The following SELENOO variants were observed in gnomAD, a reference collection of about 807,000 sequenced individuals.
SELENOO encodes the protein selenoprotein O, also known as protein adenylyltransferase SelO, mitochondrial.
A neutral mutation model predicts 58.7 loss-of-function variants in SELENOO; 74 were observed. The observed-to-expected ratio is 1.26, with a 90% CI of 1.04 to 1.53. The LOEUF (loss-of-function observed/expected upper bound fraction) is 1.53, where lower values mean the gene tolerates loss of function less well. Ranked by LOEUF, SELENOO falls within the 40% of genes most tolerant of loss-of-function variation. The pLI, the probability that SELENOO is intolerant of heterozygous loss-of-function variation, is 0.00. For missense variants in SELENOO, 1,149 were observed against 970.0 expected (o/e 1.18, Z -2.45); for synonymous variants, 543 against 453.2 (o/e 1.20, Z -2.52).
chr22:50,210,151 G>T lies in SELENOO; in HGVS notation c.940-30G>T, dbSNP rs749000485. The T allele has an allele frequency of 7.5e-6, 12 of 1,606,072 alleles. No homozygotes were observed. In the Admixed American group the frequency reaches 2.0e-4, roughly 27 times the overall value. On this transcript the variant is annotated intron_variant, in intron 3 of 8. Coordinates refer to ENST00000380903, the MANE Select transcript of SELENOO (RefSeq NM_031454.2). ...TGGGGAGGTCTGGGCAGGACCCCGA[G>T]GAGGGAGCAAGCACACTGTCCCACC...
At chr22:50,208,826 C>A in intron 3 of SELENOO, 110 bp downstream of exon 3, 2 of 1,081,982 alleles carry the variant, frequency 1.8e-6, no homozygotes, top group East Asian at 5.0e-5. Flanking sequence ...CCCAGCCTCC[C>A]CGCCCTTCTC....
chr22:50,210,061 A>G (rs776405359), intron 3 of SELENOO, 120 bp from the exon 4 acceptor site: 160 of 1,215,906 alleles, frequency 1.3e-4, no homozygotes, highest in Non-Finnish European at 1.7e-4. Flanking sequence ...TCGCCCAGAA[A>G]CTGCAGAGTG....
rs998589583 is a variant in SELENOO, at chr22:50,201,191, A to G, written c.155A>G (p.Asn52Ser). ...PRWLAGLRFD[N>S]RALRALPVEA... ...TGGCTGGCGGGGCTGCGCTTCGACA[A>G]CCGCGCCCTGCGCGCCCTGCCCGTG... is the stretch of plus-strand genomic sequence containing the variant. Residue 52 changes from asparagine to serine, a missense_variant, in exon 1 of 9, where the codon AAC becomes AGC. Transcript: ENST00000380903. 1.8e-5 allele frequency: 22 copies of G among 1,210,764 alleles called. No individual in the cohort carries two copies. Among genetic ancestry groups the G allele is most frequent in the Middle Eastern group, 3.2e-4 (1 of 3,118 alleles). The allele number at this position is 1,210,764 out of a possible 1,614,324, so 75.0% of individuals were successfully genotyped here.
intron 2 of SELENOO, 96 bp from the exon 3 acceptor site, chr22:50,208,430 CAAAAAAAAAA>C: frequency 1.1e-6 from 1 of 874,960 alleles, no homozygotes; most frequent in Middle Eastern, 2.6e-4. Context: ...GACTCCATCT[CAAAAAAAAAA>C]AAAAAATAGC....
At chr22:50,209,880 C>T (rs770247763) in intron 3 of SELENOO, among the ~76,000 whole-genome samples, 2 of 152,222 alleles carry the variant, frequency 1.3e-5, no homozygotes, top group Non-Finnish European at 2.9e-5. Flanking sequence ...AGTGAACTGA[C>T]CCTTCTCTGC....
intron 2 of SELENOO, among the ~76,000 whole-genome samples, chr22:50,207,529 G>T (rs1458241543): frequency 6.7e-6 from 1 of 149,874 alleles, no homozygotes; most frequent in Non-Finnish European, 1.5e-5. Context: ...TCCTGCCCGG[G>T]ACACCAGCCG....
In SELENOO at chr22:50,210,767, G is replaced by A. The variant is rs1038839589; in HGVS notation, c.1207G>A (p.Glu403Lys). ...GCCGGAACTGCCCCTGGAGCTGGGG[G>A]AGGCCATCCTGGCCGAGGAGTTTGA... ...LQPELPLELG[E>K]AILAEEFDAE... The change falls in exon 5 of 9, where the codon GAG becomes AAG. Residue 403 changes from glutamate (E) to lysine (K), a missense_variant. Coordinates refer to ENST00000380903, the MANE Select transcript of SELENOO (RefSeq NM_031454.2). 6.2e-6 allele frequency: 10 copies of A among 1,613,706 alleles called. No individual in the cohort carries two copies. Among genetic ancestry groups the A allele is most frequent in the South Asian group, 5.5e-5 (5 of 91,084 alleles).
intron 5 of SELENOO, 23 bp downstream of exon 5, chr22:50,210,934 C>A (rs764250072): frequency 6.2e-7 from 1 of 1,613,434 alleles, no homozygotes; most frequent in South Asian, 1.1e-5. Context: ...GCCGTGCCCA[C>A]AGCAAGGCGC....
chr22:50,210,317 T>G lies in SELENOO; in HGVS notation c.1070+6T>G, dbSNP rs371862297. The G allele has an allele frequency of 1.2e-6, 2 of 1,612,206 alleles. No homozygotes were observed. Among genetic ancestry groups the G allele is most frequent in the African/African-American group, 2.7e-5 (2 of 74,816 alleles). ...CCCTTTGGCTTCCTGGACAGGTAAGTGGCCCTGGGGCCCAGCAAAGTGCAG... is the reference window on the plus strand; with the variant it reads ...CCCTTTGGCTTCCTGGACAGGTAAGGGGCCCTGGGGCCCAGCAAAGTGCAG... On this transcript the variant is annotated splice_donor_region_variant and intron_variant, in intron 4 of 8. Coordinates refer to ENST00000380903, the MANE Select transcript of SELENOO (RefSeq NM_031454.2).
At chr22:50,215,928 C>T (rs1316671661) in intron 6 of SELENOO, 61 bp downstream of exon 6, 6 of 1,465,252 alleles carry the variant, frequency 4.1e-6, no homozygotes, top group South Asian at 3.6e-5. Flanking sequence ...TAATCAGAAA[C>T]AGAGGCTGGG....
intron 1 of SELENOO, chr22:50,205,832 GGGTTTTGCGGGGCGGGCA>G (rs1427085961): frequency 1.2e-5 from 2 of 168,710 alleles, no homozygotes; most frequent in Admixed American, 1.2e-4. Context: ...AGCCTCGGGC[GGGTTTTGCGGGGCGGGCA>G]GCTGGCTTCT....
Position 50,201,450 on chromosome 22 carries a change from C to G in SELENOO, c.414C>G (p.His138Gln), listed in dbSNP as rs1167190454. 8 of 1,412,300 alleles carry G rather than the reference C, an allele frequency of 5.7e-6. No homozygotes were observed. The highest frequency in any genetic ancestry group is 5.3e-5 in the Admixed American group (2 of 37,802). The allele number at this position is 1,412,300 out of a possible 1,614,324, so 87.5% of individuals were successfully genotyped here. The part of the protein sequence containing the change: ...ALLPGAEPAA[H>Q]CYCGHQFGQF... ...TGCCGGGCGCCGAGCCCGCCGCGCA[C>G]TGCTACTGCGGCCACCAATTCGGCC... Residue 138 changes from histidine (H) to glutamine (Q), a missense_variant, in exon 1 of 9, where the codon CAC becomes CAG. Transcript: ENST00000380903.
Position 50,217,015 on chromosome 22 carries a change from G to C in SELENOO, c.1732G>C (p.Ala578Pro), listed in dbSNP as rs369750052. The C allele has an allele frequency of 1.3e-5, 21 of 1,611,468 alleles. No individual in the cohort carries two copies. In the African/African-American group the frequency reaches 2.8e-4, roughly 21 times the overall value. Residue 578 changes from alanine to proline, a missense_variant, in exon 8 of 9, where the codon GCC becomes CCC. Physicochemically the swap from Ala to Pro is conservative, Grantham distance 27 (BLOSUM62 -1). Coordinates refer to ENST00000380903, the MANE Select transcript of SELENOO (RefSeq NM_031454.2). The part of the protein sequence containing the change: ...KDLEGAGDAA[A>P]WQAEHVRVMH... ...CCTGGAAGGCGCTGGGGACGCTGCC[G>C]CCTGGCAGGCTGAGCACGTGCGCGT...
chr22:50,212,344 C>T (rs533149060), intron 5 of SELENOO, among the ~76,000 whole-genome samples: 1 of 152,232 alleles, frequency 6.6e-6, no homozygotes, highest in Non-Finnish European at 1.5e-5. Flanking sequence ...TTCTTTTCTT[C>T]TTGAGTCAGT....
intron 5 of SELENOO, 88 bp downstream of exon 5, chr22:50,210,999 T>G: frequency 6.9e-7 from 1 of 1,449,042 alleles, no homozygotes; most frequent in Non-Finnish European, 9.6e-7. Flanking sequence ...AGGTTCCAAG[T>G]GCACAGTCAC....
At chr22:50,202,008 G>A (rs934837677) in intron 1 of SELENOO, among the ~76,000 whole-genome samples, 2 of 152,212 alleles carry the variant, frequency 1.3e-5, no homozygotes, top group African/African-American at 4.8e-5. Flanking sequence ...TAACCCCGAA[G>A]TGAGGTGGGC....
chr22:50,215,072 G>A (rs1001733008), intron 5 of SELENOO, among the ~76,000 whole-genome samples: 1 of 152,110 alleles, frequency 6.6e-6, no homozygotes, highest in Non-Finnish European at 1.5e-5. Context: ...ACGTTGCTTT[G>A]ACTCCCTTCT....
chr22:50,210,229 T>G lies in SELENOO; in HGVS notation c.988T>G (p.Phe330Val). The change falls in exon 4 of 9, where the codon TTC (phenylalanine) becomes GTC (valine). Residue 330 changes from phenylalanine to valine, a missense_variant. Phe to Val is a conservative substitution (Grantham distance 50). Transcript: ENST00000380903. ...RMVAEWQCVG[F>V]CHGVLNTDNM... Reference sequence around the variant, plus strand: ...GGTGGCCGAGTGGCAGTGTGTGGGCTTCTGCCACGGCGTGCTCAACACCGA... The same window carrying G: ...GGTGGCCGAGTGGCAGTGTGTGGGCGTCTGCCACGGCGTGCTCAACACCGA... 1.9e-6 allele frequency: 3 copies of G among 1,613,426 alleles called. No individual in the cohort carries two copies. The highest frequency in any genetic ancestry group is 2.5e-6 in the Non-Finnish European group (3 of 1,179,960).
intron 1 of SELENOO, among the ~76,000 whole-genome samples, chr22:50,203,949 G>T (rs1167363280): frequency 6.6e-6 from 1 of 152,116 alleles, no homozygotes; most frequent in Non-Finnish European, 1.5e-5. Context: ...TATCTGATAA[G>T]TAATTAAGAT....
Sources: gnomAD v4.1 joint callset for allele counts (sites outside exome capture counted in the v4.1 genomes callset) on GRCh38, gnomAD v4.1.1 for gene constraint, MANE v1.5 for transcripts, NCBI Gene and HGNC (gene_info 2026-07-23, HGNC 2026-07-21) for gene names.